MACF1: variants seen among roughly 807,000 people sequenced by gnomAD.
The protein encoded by MACF1 is microtubule-actin cross-linking factor 1.
Under a neutral mutation model 854.8 loss-of-function variants are expected in MACF1, and 193 were observed. The observed-to-expected ratio is 0.23, with a 90% CI of 0.20 to 0.25. The LOEUF (loss-of-function observed/expected upper bound fraction) is 0.25, where lower values mean the gene tolerates loss of function less well. MACF1 is among the 10% of genes least tolerant of loss of function. The pLI, the probability that MACF1 is intolerant of heterozygous loss-of-function variation, is 1.00. For missense variants in MACF1, 7,722 were observed against 8,929.1 expected, an observed-to-expected ratio of 0.86 and a Z score of 5.45; for synonymous variants, 3,185 against 3,226.7, an observed-to-expected ratio of 0.99 and a Z score of 0.44.
At chr1:39,109,432 G>T (rs1642336232) in intron 2 of MACF1, among the ~76,000 whole-genome samples, 1 of 151,990 alleles carries the variant, frequency 6.6e-6, no homozygotes, top group African/African-American at 2.4e-5. Flanking sequence ...ACCATGCCTG[G>T]CTAATTTTTT....
At chr1:39,096,146 C>CA (rs1448970112) in intron 2 of MACF1, among the ~76,000 whole-genome samples, 2 of 143,288 alleles carry the variant, frequency 1.4e-5, no homozygotes, top group Admixed American at 1.5e-4. Context: ...CTGTGATCAT[C>CA]ATCATCCAGC....
At chr1:39,475,761 TC>T (rs1171424144) in intron 97 of MACF1, among the ~76,000 whole-genome samples, 2 of 152,132 alleles carry the variant, frequency 1.3e-5, no homozygotes, top group Non-Finnish European at 2.9e-5. Flanking sequence ...GGATATAACT[TC>T]TGGCATCCAG....
rs1644015801 is a variant in MACF1 at position 39,437,897 on chromosome 1, A to T, written c.18109A>T (p.Ser6037Cys). Residue 6037 changes from serine (S) to cysteine (C), a missense_variant, in exon 71 of 101, where the codon AGT (serine) becomes TGT (cysteine). Ser to Cys is a moderately radical substitution (Grantham distance 112). Transcript: ENST00000564288. ...CAGAGAGTGCATCAGTGACAATAAG[A>T]GTGCCACCGTGGAGCTAGAAAAACT... Reference protein sequence around the residue: ...KIRECISDNKSATVELEKLQP... With the variant: ...KIRECISDNKCATVELEKLQP... 6.2e-7 allele frequency: 1 copy of T among 1,614,032 alleles called. No homozygotes were observed.
chr1:39,139,574 T>C (rs1201070113), intron 2 of MACF1, among the ~76,000 whole-genome samples: 5 of 152,172 alleles, frequency 3.3e-5, no homozygotes, highest in Non-Finnish European at 1.5e-5. Context: ...TCTGCTTTTT[T>C]TTTTCCTAGC....
At position 39,335,364 on chromosome 1, in the gene MACF1, T is replaced by C; in HGVS notation, c.8776T>C (p.Ser2926Pro). ...AGAAATTATTTCTCATATGAAGCAG[T>C]CTACCTCATGTCTAGATTCTGAAGA... ...KIEIISHMKQ[S>P]TSCLDSEEIR... Residue 2926 changes from serine (S) to proline (P), a missense_variant, in exon 37 of 101, where the codon TCT becomes CCT. By Grantham distance (74) the Ser-to-Pro change is moderately conservative (BLOSUM62 -1). Coordinates refer to ENST00000564288, the MANE Select transcript of MACF1 (RefSeq NM_001394062.1). 1 of 1,613,518 alleles carries C rather than the reference T, an allele frequency of 6.2e-7. No individual in the cohort carries two copies. Among genetic ancestry groups the C allele is most frequent in the Non-Finnish European group, 8.5e-7 (1 of 1,179,478 alleles).
rs564072388 is a variant in MACF1, at chr1:39,291,990, G to C, written c.1866G>C (p.Thr622=). The change falls in exon 16 of 101, where the codon ACG becomes ACC. Residue 622 remains threonine, a synonymous_variant. Coordinates refer to ENST00000564288, the MANE Select transcript of MACF1 (RefSeq NM_001394062.1). ...TAGAAACACAGCAGCACATCCATAC[G>C]AGTGTAGAAGAGCTGGGCTCAAGTG... ...LQLETQQHIH[T]SVEELGSSVK... is the part of the protein sequence containing the mutation. 1 of 1,614,050 alleles carries C rather than the reference G, an allele frequency of 6.2e-7. No homozygotes were observed. Among genetic ancestry groups the C allele is most frequent in the Non-Finnish European group, 8.5e-7 (1 of 1,179,998 alleles).
intron 2 of MACF1, among the ~76,000 whole-genome samples, chr1:39,139,472 G>A (rs1416274143): frequency 6.6e-6 from 1 of 151,830 alleles, no homozygotes; most frequent in African/African-American, 2.4e-5. Flanking sequence ...GGCCAGGCTG[G>A]TCTCAAATTC....
At position 39,095,061 on chromosome 1, in the gene MACF1, C is replaced by A. The variant is rs565591509; in HGVS notation, c.220+10623C>A. 1.2e-4 allele frequency among the ~76,000 whole-genome samples: 18 copies of A among 152,214 alleles called. No homozygotes were observed. The South Asian group carries it at 3.7e-3, about 32-fold the overall frequency. On this transcript the variant is annotated intron_variant, in intron 2 of 93. Transcript: ENST00000361689. ...TCCTGGAAGCTCCCTGAATCTTAGGCCTTTCATGGAGACTTCCTTGGGTAG... is the reference window on the plus strand; with the variant it reads ...TCCTGGAAGCTCCCTGAATCTTAGGACTTTCATGGAGACTTCCTTGGGTAG...
At chr1:39,101,160 T>C (rs1365946441) in intron 2 of MACF1, among the ~76,000 whole-genome samples, 1 of 151,256 alleles carries the variant, frequency 6.6e-6, no homozygotes, top group African/African-American at 2.4e-5. Flanking sequence ...ACTTCAAGAC[T>C]AGCCTGGCCA....
chr1:39,168,472 CT>C (rs1227401741), intron 2 of MACF1, among the ~76,000 whole-genome samples: 1 of 152,056 alleles, frequency 6.6e-6, no homozygotes, highest in Non-Finnish European at 1.5e-5. Flanking sequence ...CCAGGCAGGG[CT>C]GGGTTCAAAT....
chr1:39,246,907 CT>C (rs59664447), intron 2 of MACF1, among the ~76,000 whole-genome samples: 263 of 136,120 alleles, frequency 1.9e-3, no homozygotes, highest in Non-Finnish European at 1.9e-3. Flanking sequence ...CTAAACATAG[CT>C]TTTTTTTTTT....
chr1:39,222,037 G>A (rs905014557), intron 1 of MACF1, among the ~76,000 whole-genome samples: 1 of 152,090 alleles, frequency 6.6e-6, no homozygotes, highest in Admixed American at 6.5e-5. Context: ...TGCATGGTAT[G>A]GTCATGCATG....
At chr1:39,101,999 A>AC (rs1368153992) in intron 2 of MACF1, among the ~76,000 whole-genome samples, 1 of 150,562 alleles carries the variant, frequency 6.6e-6, no homozygotes. Flanking sequence ...ACACAGTGAA[A>AC]CCCCGTCTCT....
chr1:39,358,643 C>T, intron 45 of MACF1, 54 bp from the exon 46 acceptor site: 1 of 1,562,858 alleles, frequency 6.4e-7, no homozygotes, highest in Non-Finnish European at 8.7e-7. Context: ...TGGGCAGCTG[C>T]TGCCTTTGGC....
intron 2 of MACF1, among the ~76,000 whole-genome samples, chr1:39,152,374 A>T (rs1643598695): frequency 6.6e-6 from 1 of 151,438 alleles, no homozygotes; most frequent in Non-Finnish European, 1.5e-5. Context: ...CATTGCTTTA[A>T]TTTTTTTTTC....
At chr1:39,299,215 A>G (rs1332523188) in intron 21 of MACF1, 1 of 456,254 alleles carries the variant, frequency 2.2e-6, no homozygotes, top group Admixed American at 2.3e-5. Flanking sequence ...CTAATAAGTT[A>G]AAGTTGTATT....
chr1:39,349,068 C>T (rs1425333289), intron 41 of MACF1, among the ~76,000 whole-genome samples: 2 of 152,194 alleles, frequency 1.3e-5, no homozygotes, highest in Non-Finnish European at 2.9e-5. Context: ...TCCAATTCTT[C>T]TACTTTTGCA....
At position 39,333,155 on chromosome 1, in the gene MACF1, A is replaced by T. The variant is rs1228200030; in HGVS notation, c.6567A>T (p.Gly2189=). ...AATATATTCATGATGAAACTGGAGGATCTCACATAAAACCCCAAAGCAAAA... is the reference window on the plus strand; with the variant it reads ...AATATATTCATGATGAAACTGGAGGTTCTCACATAAAACCCCAAAGCAAAA... The part of the protein sequence containing the change: ...ETEYIHDETG[G]SHIKPQSKKL... The change falls in exon 37 of 101, where the codon GGA becomes GGT. Residue 2189 remains glycine, a synonymous_variant. Coordinates refer to ENST00000564288, the MANE Select transcript of MACF1 (RefSeq NM_001394062.1). The T allele has an allele frequency of 3.1e-6, 5 of 1,613,834 alleles. No homozygotes were observed. The highest frequency in any genetic ancestry group is 4.2e-6 in the Non-Finnish European group (5 of 1,180,020).
intron 58 of MACF1, among the ~76,000 whole-genome samples, chr1:39,408,375 A>G (rs892515655): frequency 2.0e-5 from 3 of 152,116 alleles, no homozygotes; most frequent in Admixed American, 1.3e-4. Context: ...GGACACCGGG[A>G]AAGTGCCGGG....
Sources: allele counts gnomAD v4.1 joint callset (sites outside exome capture counted in the v4.1 genomes callset), GRCh38; gene constraint gnomAD v4.1.1; transcripts MANE v1.5; gene names NCBI Gene and HGNC (gene_info 2026-07-23, HGNC 2026-07-21).